Variants in NCAPG2 observed in about 807,000 individuals in gnomAD.
The protein encoded by NCAPG2 is condensin-2 complex subunit G2.
In NCAPG2, 53 loss-of-function variants were observed where a neutral mutation model predicts 141.1. The observed-to-expected ratio is 0.38, with a 90% CI of 0.30 to 0.47. The LOEUF is 0.47. Among genes scored for constraint, NCAPG2 ranks in the 20% least tolerant of loss-of-function variants. NCAPG2 has a pLI of 0.99. For missense variants in NCAPG2, 1,087 were observed against 1,389.0 expected, an observed-to-expected ratio of 0.78 and a Z score of 3.46; for synonymous variants, 499 against 490.7, an observed-to-expected ratio of 1.02 and a Z score of -0.22.
intron 11 of NCAPG2, among the ~76,000 whole-genome samples, chr7:158,678,041 T>C (rs966299110): frequency 6.6e-6 from 1 of 151,730 alleles, no homozygotes; most frequent in Non-Finnish European, 1.5e-5. Context: ...AAGCAATCCT[T>C]CTTCCTCGGC....
In NCAPG2 at chr7:158,664,724, G is replaced by A; in HGVS notation, c.1506C>T (p.His502=). 6.2e-7 allele frequency: 1 copy of A among 1,614,114 alleles called. No homozygotes were observed. Among genetic ancestry groups the A allele is most frequent in the Non-Finnish European group, 8.5e-7 (1 of 1,180,016 alleles). ...AATCAGTTTCCAGACGAACCAGAAT[G>A]TGCTCCATGGGACATATTTTCCAAA... ...AKFWKICPME[H]ILVRLETDSR... is the part of the protein sequence containing the mutation. Residue 502 remains histidine (H), a synonymous_variant, in exon 14 of 28, where the codon CAC becomes CAT. Coordinates refer to ENST00000356309, the MANE Select transcript of NCAPG2 (RefSeq NM_017760.7).
chr7:158,642,539 CA>C (rs1405453512), intron 27 of NCAPG2, among the ~76,000 whole-genome samples: 2 of 147,374 alleles, frequency 1.4e-5, no homozygotes, highest in African/African-American at 5.0e-5. Flanking sequence ...AAACAAAAAA[CA>C]AAACAAAATA....
At chr7:158,653,078 A>C (rs141242817) in intron 22 of NCAPG2, among the ~76,000 whole-genome samples, 1 of 152,324 alleles carries the variant, frequency 6.6e-6, no homozygotes, top group East Asian at 1.9e-4. Flanking sequence ...AATTATAAAG[A>C]ATTAAACAGG....
chr7:158,680,595 T>C (rs1834389752), intron 10 of NCAPG2, 126 bp downstream of exon 10: 3 of 540,628 alleles, frequency 5.5e-6, no homozygotes, highest in Non-Finnish European at 8.8e-6. Context: ...TGTTCAAAAA[T>C]TTCAGAAAGC....
intron 11 of NCAPG2, among the ~76,000 whole-genome samples, chr7:158,677,752 T>C (rs1834180535): frequency 2.0e-5 from 3 of 152,184 alleles, no homozygotes; most frequent in Admixed American, 6.5e-5. Context: ...GCACTCAAAA[T>C]GACAGCACAT....
At chr7:158,667,199 C>T (rs1398218117) in intron 13 of NCAPG2, 2 of 985,450 alleles carry the variant, frequency 2.0e-6, no homozygotes, top group Non-Finnish European at 2.4e-6. Flanking sequence ...AGGACTGAAA[C>T]GCAAACGTTC....
chr7:158,701,518 G>A (rs1447268962), intron 2 of NCAPG2, among the ~76,000 whole-genome samples: 3 of 152,108 alleles, frequency 2.0e-5, no homozygotes, highest in African/African-American at 7.2e-5. Context: ...CTGCCTTCCT[G>A]CTGAACTTCA....
chr7:158,646,625 A>G, intron 24 of NCAPG2, 62 bp from the exon 25 acceptor site: 1 of 1,187,768 alleles, frequency 8.4e-7, no homozygotes, highest in Non-Finnish European at 1.2e-6. Context: ...TGTAAATTAC[A>G]TTGCTTTGGG....
intron 2 of NCAPG2, among the ~76,000 whole-genome samples, chr7:158,695,268 T>G (rs1333505255): frequency 6.6e-6 from 1 of 152,208 alleles, no homozygotes; most frequent in Non-Finnish European, 1.5e-5. Context: ...GACTGATGGT[T>G]AGGGCACAGA....
intron 4 of NCAPG2, among the ~76,000 whole-genome samples, chr7:158,691,753 C>G (rs528174414): frequency 6.6e-6 from 1 of 152,124 alleles, no homozygotes; most frequent in Non-Finnish European, 1.5e-5. Flanking sequence ...AATTTCAATA[C>G]AGTAAAACTC....
At chr7:158,665,836 A>G (rs1455442059) in intron 13 of NCAPG2, among the ~76,000 whole-genome samples, 1 of 152,162 alleles carries the variant, frequency 6.6e-6, no homozygotes, top group Non-Finnish European at 1.5e-5. Flanking sequence ...GAACGCCCTC[A>G]ACTCAGACAA....
intron 23 of NCAPG2, 74 bp downstream of exon 23, chr7:158,652,219 T>A (rs1236432116): frequency 7.1e-7 from 1 of 1,414,588 alleles, no homozygotes; most frequent in Non-Finnish European, 9.8e-7. Flanking sequence ...CAGCCAGGGC[T>A]GATGCATCTG....
At chr7:158,678,225 CTTAT>C (rs1272312097) in intron 11 of NCAPG2, among the ~76,000 whole-genome samples, 2 of 152,116 alleles carry the variant, frequency 1.3e-5, no homozygotes, top group Non-Finnish European at 2.9e-5. Flanking sequence ...ACTGCTCTTA[CTTAT>C]TTATCAGATC....
At position 158,698,496 on chromosome 7, in the gene NCAPG2, G is replaced by A. The variant is rs1386799673; in HGVS notation, c.78+3326C>T. Among the ~76,000 whole-genome samples the A allele has an allele frequency of 2.0e-5, 3 of 152,174 alleles. No individual in the cohort carries two copies. In the East Asian group the frequency reaches 5.8e-4, roughly 29 times the overall value. On this transcript the variant is annotated intron_variant, in intron 2 of 27. Coordinates refer to ENST00000356309, the MANE Select transcript of NCAPG2 (RefSeq NM_017760.7). The stretch of plus-strand genomic sequence containing the variant: ...ACACACACCATTGTGTTACAACACT[G>A]TGCCTACAGTATTCAGTACAGTAAC...
chr7:158,667,030 G>A (rs183982797), intron 13 of NCAPG2: 9 of 701,010 alleles, frequency 1.3e-5, no homozygotes, highest in East Asian at 1.3e-4. Flanking sequence ...ATGCCCTCCC[G>A]TCAGCTCCAA....
At chr7:158,679,271 TTGTC>T (rs1834297385) in intron 11 of NCAPG2, among the ~76,000 whole-genome samples, 1 of 152,248 alleles carries the variant, frequency 6.6e-6, no homozygotes, top group Non-Finnish European at 1.5e-5. Context: ...CAGCACTTTG[TTGTC>T]ATTGTTTCCT....
At chr7:158,664,493 C>G in intron 14 of NCAPG2, 35 bp downstream of exon 14, 1 of 1,598,372 alleles carries the variant, frequency 6.3e-7, no homozygotes, top group South Asian at 1.1e-5. Context: ...TGGGGGAAAA[C>G]ATAACAAGAA....
intron 13 of NCAPG2, among the ~76,000 whole-genome samples, chr7:158,669,324 T>C (rs1198700812): frequency 6.6e-6 from 1 of 152,192 alleles, no homozygotes; most frequent in Non-Finnish European, 1.5e-5. Flanking sequence ...TTTCTGCCTC[T>C]AGGTCTCTGA....
At chr7:158,632,488 A>G (rs1829956753) in intron 27 of NCAPG2, among the ~76,000 whole-genome samples, 1 of 152,234 alleles carries the variant, frequency 6.6e-6, no homozygotes, top group Admixed American at 6.5e-5. Flanking sequence ...GTCTCCTCAG[A>G]GAAGCAATAA....
Sources: gnomAD v4.1 joint callset for allele counts (sites outside exome capture counted in the v4.1 genomes callset) on GRCh38, gnomAD v4.1.1 for gene constraint, MANE v1.5 for transcripts, NCBI Gene and HGNC (gene_info 2026-07-23, HGNC 2026-07-21) for gene names.